The following GRID1 variants were observed in gnomAD, a reference collection of about 807,000 sequenced individuals.
GRID1 encodes the protein glutamate ionotropic receptor delta type subunit 1.
A neutral mutation model predicts 98.0 loss-of-function variants in GRID1; 28 were observed. The ratio of observed to expected loss-of-function variants is 0.29; its 90% CI spans 0.21 to 0.39. The LOEUF (loss-of-function observed/expected upper bound fraction) is 0.39, where lower values mean the gene tolerates loss of function less well. GRID1 is among the 10% of genes least tolerant of loss of function. The pLI is 1.00. For missense variants in GRID1, 1,111 were observed against 1,340.5 expected, an observed-to-expected ratio of 0.83 and a Z score of 2.67; for synonymous variants, 553 against 538.5, an observed-to-expected ratio of 1.03 and a Z score of -0.37.
rs113887913 is a variant in GRID1 at position 85,787,853 on chromosome 10, G to T, written c.1234-58239C>A. ...ACACCACCAGCCACTCCCTCTCTCC[G>T]GTTTCTTTCTACTCCCGATGCTTCT... is the stretch of plus-strand genomic sequence containing the variant. On this transcript the variant is annotated intron_variant, in intron 8 of 15. Coordinates refer to ENST00000327946, the MANE Select transcript of GRID1 (RefSeq NM_017551.3). Among the ~76,000 whole-genome samples, 654 of 152,098 alleles carry T rather than the reference G, an allele frequency of 4.3e-3. 2 individuals carry two copies. The highest frequency in any genetic ancestry group is 0.015 in the African/African-American group (605 of 41,498).
intron 4 of GRID1, among the ~76,000 whole-genome samples, chr10:86,027,926 T>G (rs1306518070): frequency 6.6e-6 from 1 of 152,244 alleles, no homozygotes; most frequent in Non-Finnish European, 1.5e-5. Context: ...TAAACATTGA[T>G]GAACACTGGG....
Position 86,036,524 on chromosome 10 carries a change from C to G in GRID1, c.726+102295G>C, listed in dbSNP as rs1664302598. On this transcript the variant is annotated intron_variant, in intron 4 of 15. Coordinates refer to ENST00000327946, the MANE Select transcript of GRID1 (RefSeq NM_017551.3). ...ACCTCGAGCCTGTCACCTCCAGCCC[C>G]AAGAAGGACCAGCCAGAGGTACAGA... 2.0e-5 allele frequency among the ~76,000 whole-genome samples: 3 copies of G among 152,302 alleles called. No homozygotes were observed. In the South Asian group the frequency reaches 6.2e-4, roughly 32 times the overall value.
At chr10:85,953,155 A>G (rs1842146518) in intron 4 of GRID1, among the ~76,000 whole-genome samples, 2 of 152,100 alleles carry the variant, frequency 1.3e-5, no homozygotes, top group African/African-American at 4.8e-5. Context: ...ATAGTATTCC[A>G]TGGTGGTACA....
At chr10:85,652,538 T>C (rs1010220443) in intron 12 of GRID1, among the ~76,000 whole-genome samples, 1 of 152,136 alleles carries the variant, frequency 6.6e-6, no homozygotes, top group African/African-American at 2.4e-5. Flanking sequence ...GGGATATCCA[T>C]CCTGGTGACT....
chr10:85,984,132 CAG>C (rs1325399692), intron 4 of GRID1, among the ~76,000 whole-genome samples: 1 of 152,072 alleles, frequency 6.6e-6, no homozygotes. Context: ...CCCTGCACCA[CAG>C]AGAGAGGCTC....
intron 2 of GRID1, among the ~76,000 whole-genome samples, chr10:86,310,746 G>A (rs1486866121): frequency 6.6e-6 from 1 of 152,176 alleles, no homozygotes; most frequent in Non-Finnish European, 1.5e-5. Context: ...CTCCACATCT[G>A]CTGGAGCACC....
Position 86,047,892 on chromosome 10 carries a change from G to A in GRID1, c.726+90927C>T, listed in dbSNP as rs148481599. 3.9e-3 allele frequency among the ~76,000 whole-genome samples: 601 copies of A among 152,322 alleles called. 4 individuals carry two copies. Among genetic ancestry groups the A allele is most frequent in the Non-Finnish European group, 6.2e-3 (422 of 68,028 alleles). Reference sequence around the variant, plus strand: ...TAGCAAGAACTTAGGCGTAAACTCTGCTGATGAAGGCATTTGGATTTTTGT... The same window carrying A: ...TAGCAAGAACTTAGGCGTAAACTCTACTGATGAAGGCATTTGGATTTTTGT... On this transcript the variant is annotated intron_variant, in intron 4 of 15. Coordinates refer to ENST00000327946, the MANE Select transcript of GRID1 (RefSeq NM_017551.3).
At chr10:86,239,726 G>A (rs2132041016) in intron 2 of GRID1, among the ~76,000 whole-genome samples, 1 of 152,304 alleles carries the variant, frequency 6.6e-6, no homozygotes. Context: ...TGTAAGACAT[G>A]CCTGTTTCCC....
intron 2 of GRID1, among the ~76,000 whole-genome samples, chr10:86,319,521 A>T (rs1299251104): frequency 6.6e-6 from 1 of 151,984 alleles, no homozygotes. Context: ...AAGGGGTGGG[A>T]TCCCCTCCCC....
At chr10:86,127,661 C>T (rs11201891) in intron 4 of GRID1, among the ~76,000 whole-genome samples, 4,443 of 152,278 alleles carry the variant, frequency 0.029, 79 homozygotes, top group Middle Eastern at 0.092. Context: ...ATCGTGAGCA[C>T]TTTGTCACTT....
At chr10:86,204,196 C>T (rs577587509) in intron 3 of GRID1, among the ~76,000 whole-genome samples, 17 of 152,174 alleles carry the variant, frequency 1.1e-4, no homozygotes, top group Middle Eastern at 3.2e-3. Flanking sequence ...AGAGGTCAGA[C>T]CATCCAGTAC....
intron 2 of GRID1, among the ~76,000 whole-genome samples, chr10:86,359,034 C>G (rs536346275): frequency 6.6e-6 from 1 of 152,092 alleles, no homozygotes; most frequent in East Asian, 1.9e-4. Flanking sequence ...CCAGAAGGAC[C>G]CAGATTTTAG....
intron 4 of GRID1, among the ~76,000 whole-genome samples, chr10:86,031,412 G>T (rs546527318): frequency 3.9e-5 from 6 of 152,194 alleles, no homozygotes; most frequent in African/African-American, 9.6e-5. Context: ...CTTCAAAAGG[G>T]GGGGCAGGAG....
chr10:85,634,312 C>G (rs1051708500), intron 13 of GRID1, among the ~76,000 whole-genome samples: 3 of 150,440 alleles, frequency 2.0e-5, no homozygotes, highest in African/African-American at 7.4e-5. Context: ...CACACACACA[C>G]ACAGACTACA....
At chr10:86,052,363 C>T (rs1174465519) in intron 4 of GRID1, 2 of 151,938 alleles carry the variant, frequency 1.3e-5, no homozygotes, top group African/African-American at 2.4e-5. Flanking sequence ...GAATTTTTAC[C>T]CAATACCTTT....
intron 4 of GRID1, among the ~76,000 whole-genome samples, chr10:85,963,603 G>C (rs547268437): frequency 1.4e-4 from 22 of 152,284 alleles, no homozygotes; most frequent in Admixed American, 8.5e-4. Context: ...TTCCAAAGCA[G>C]CTTCCCAAAT....
At chr10:85,631,980 C>T (rs994465367) in intron 13 of GRID1, among the ~76,000 whole-genome samples, 3 of 137,562 alleles carry the variant, frequency 2.2e-5, no homozygotes, top group African/African-American at 9.2e-5. Context: ...CATGTAAACA[C>T]ATATGCACAC....
At chr10:85,727,361 A>G (rs1046162855) in intron 10 of GRID1, among the ~76,000 whole-genome samples, 5 of 152,218 alleles carry the variant, frequency 3.3e-5, no homozygotes, top group African/African-American at 9.6e-5. Context: ...GTTTCAATGA[A>G]GATGCAGTTT....
chr10:85,700,720 T>C (rs770052385), intron 12 of GRID1, among the ~76,000 whole-genome samples: 5 of 152,168 alleles, frequency 3.3e-5, no homozygotes, highest in African/African-American at 9.7e-5. Context: ...CCCTCCTCAA[T>C]GAACATACCT....
Sources: gnomAD v4.1 joint callset for allele counts (sites outside exome capture counted in the v4.1 genomes callset) on GRCh38, gnomAD v4.1.1 for gene constraint, MANE v1.5 for transcripts, NCBI Gene and HGNC (gene_info 2026-07-23, HGNC 2026-07-21) for gene names.